MAU2: variants seen among roughly 807,000 people sequenced by gnomAD.
The protein encoded by MAU2 is MAU2 chromatid cohesion factor homolog.
Under a neutral mutation model 89.1 loss-of-function variants are expected in MAU2, and 9 were observed. The observed-to-expected ratio is 0.10, with a 90% confidence interval of 0.06 to 0.18. The LOEUF (loss-of-function observed/expected upper bound fraction) is 0.18, where lower values mean the gene tolerates loss of function less well. MAU2 is among the 10% of genes least tolerant of loss of function. The pLI is 1.00. For synonymous variants in MAU2, 357 were observed against 343.4 expected (o/e 1.04, Z -0.44); for missense variants, 425 against 803.5 (o/e 0.53, Z 5.69).
rs1323215730 is a variant in MAU2, at chr19:19,338,896, G to T, written c.508G>T (p.Val170Leu). The change falls in exon 5 of 19, where the codon GTA becomes TTA. Residue 170 changes from valine to leucine, a missense_variant. Coordinates refer to ENST00000262815, the MANE Select transcript of MAU2 (RefSeq NM_015329.4). Reference protein sequence around the residue: ...DLVSACDLLGVGAEYARVVGS... With the variant: ...DLVSACDLLGLGAEYARVVGS... ...GGTGTCGGCCTGTGACCTCCTGGGTGTAGGGGCCGAGTACGCCCGGGTGGT... is the reference window on the plus strand; with the variant it reads ...GGTGTCGGCCTGTGACCTCCTGGGTTTAGGGGCCGAGTACGCCCGGGTGGT... 6.2e-7 allele frequency: 1 copy of T among 1,613,856 alleles called. No homozygotes were observed.
chr19:19,340,810 C>A (rs1463014817), intron 5 of MAU2, 36 bp from the exon 6 acceptor site: 1 of 1,611,198 alleles, frequency 6.2e-7, no homozygotes, highest in Admixed American at 1.7e-5. Flanking sequence ...GGCTCCTGGG[C>A]CTGCTAGGAC....
At position 19,342,624 on chromosome 19, in the gene MAU2, C is replaced by T. The variant is rs761252542; in HGVS notation, c.825C>T (p.Asn275=). ...TLHDDEILPS[N]PADLFHWLPK... is the part of the protein sequence containing the mutation. ...ACGATGATGAGATCCTGCCCAGCAACCCCGCTGACCTCTTCCACTGGCTGC... is the reference window on the plus strand; with the variant it reads ...ACGATGATGAGATCCTGCCCAGCAATCCCGCTGACCTCTTCCACTGGCTGC... The change falls in exon 8 of 19, where the codon AAC becomes AAT. Residue 275 remains asparagine, a synonymous_variant. Coordinates refer to ENST00000262815, the MANE Select transcript of MAU2 (RefSeq NM_015329.4). 4.3e-6 allele frequency: 7 copies of T among 1,613,348 alleles called. No individual in the cohort carries two copies. In the Admixed American group the frequency reaches 1.0e-4, roughly 23 times the overall value.
chr19:19,320,997 G>A lies in MAU2; in HGVS notation c.138G>A (p.Leu46=), dbSNP rs1340231119. 3.7e-6 allele frequency: 6 copies of A among 1,610,524 alleles called. No homozygotes were observed. The highest frequency in any genetic ancestry group is 1.3e-5 in the African/African-American group (1 of 74,784). The change falls in exon 1 of 19, where the codon CTG becomes CTA. Residue 46 remains leucine, a synonymous_variant. Transcript: ENST00000262815. Reference sequence around the variant, plus strand: ...CTTCCAGCCCGCCCAAAATCCGCCTGTGCGTGCACTGCCTGCAGGCCGTGT... The same window carrying A: ...CTTCCAGCCCGCCCAAAATCCGCCTATGCGTGCACTGCCTGCAGGCCGTGT... ...FRTSSPPKIR[L]CVHCLQAVFP... is the part of the protein sequence containing the mutation.
chr19:19,344,956 G>T lies in MAU2; in HGVS notation c.1155+30G>T, dbSNP rs1323898753. On this transcript the variant is annotated intron_variant, in intron 11 of 18. Transcript: ENST00000262815. ...GTAACCCTGTGACAACACCCCGGGA[G>T]AATCCAGAATGTTCTCAGTAAGTAA... The T allele has an allele frequency of 1.9e-6, 3 of 1,600,994 alleles. No individual in the cohort carries two copies. In the African/African-American group the frequency reaches 4.0e-5, roughly 21 times the overall value.
intron 5 of MAU2, among the ~76,000 whole-genome samples, chr19:19,339,398 G>C (rs558077910): frequency 6.6e-6 from 1 of 151,684 alleles, no homozygotes; most frequent in Admixed American, 6.6e-5. Flanking sequence ...AGTGAGCCAA[G>C]ATCATGCCAC....
rs540519817 is a variant in MAU2 at position 19,340,984 on chromosome 19, C to T, written c.579+111C>T. On this transcript the variant is annotated intron_variant, in intron 6 of 18. Coordinates refer to ENST00000262815, the MANE Select transcript of MAU2 (RefSeq NM_015329.4). ...ACTCTCCATGGCATGGCCCCTTAGGCGCCCAGACCCTTAGGCACAGTGAGC... is the reference window on the plus strand; with the variant it reads ...ACTCTCCATGGCATGGCCCCTTAGGTGCCCAGACCCTTAGGCACAGTGAGC... 9.9e-4 allele frequency: 1,399 copies of T among 1,418,920 alleles called. 3 individuals carry two copies. Among genetic ancestry groups the T allele is most frequent in the Middle Eastern group, 2.5e-3 (10 of 4,050 alleles). The allele number at this position is 1,418,920 out of a possible 1,614,324, so 87.9% of individuals were successfully genotyped here. A position where few individuals can be genotyped will look rare whatever the true frequency, so the allele number is the denominator to read the frequency against.
intron 13 of MAU2, 32 bp downstream of exon 13, chr19:19,347,398 T>C: frequency 6.5e-7 from 1 of 1,531,254 alleles, no homozygotes. Flanking sequence ...CGGTATCCTT[T>C]CTCTCTGTTC....
At chr19:19,347,855 C>A (rs1254464312) in intron 13 of MAU2, 1 of 153,458 alleles carries the variant, frequency 6.5e-6, no homozygotes, top group Non-Finnish European at 1.5e-5. Flanking sequence ...GTTCCCTCTT[C>A]TGTCCCTTTT....
chr19:19,323,517 T>C (rs2061481199), intron 1 of MAU2, among the ~76,000 whole-genome samples: 1 of 152,090 alleles, frequency 6.6e-6, no homozygotes, highest in Non-Finnish European at 1.5e-5. Context: ...TATTTATTTA[T>C]TTATTTTGAG....
chr19:19,354,635 C>T (rs1017983962), intron 17 of MAU2, 190 bp downstream of exon 17: 19 of 609,678 alleles, frequency 3.1e-5, no homozygotes, highest in African/African-American at 2.6e-4. Context: ...TTGTGGCATC[C>T]GCTTGACTCG....
rs734872 is a variant in MAU2 at position 19,356,277 on chromosome 19, C to G, written c.*495C>G. The G allele has an allele frequency of 2.8e-6, 1 of 351,918 alleles. No individual in the cohort carries two copies. Among genetic ancestry groups the G allele is most frequent in the East Asian group, 7.5e-5 (1 of 13,336 alleles). The allele number at this position is 351,918 out of a possible 1,614,324, so 21.8% of individuals were successfully genotyped here. On this transcript the variant is annotated 3_prime_UTR_variant, in exon 19 of 19. Transcript: ENST00000262815. ...AATTTGGAGGGAAGAAGTAATGGCGCTAGTGTGGGACGAAGCACAGATCCC... is the reference window on the plus strand; with the variant it reads ...AATTTGGAGGGAAGAAGTAATGGCGGTAGTGTGGGACGAAGCACAGATCCC...
At chr19:19,344,974 G>A (rs1450050937) in intron 11 of MAU2, 48 bp downstream of exon 11, 2 of 1,539,334 alleles carry the variant, frequency 1.3e-6, no homozygotes, top group Non-Finnish European at 1.8e-6. Flanking sequence ...AATGTTCTCA[G>A]TAAGTAAGTA....
intron 4 of MAU2, among the ~76,000 whole-genome samples, chr19:19,337,937 G>T (rs1421776998): frequency 6.6e-6 from 1 of 152,194 alleles, no homozygotes; most frequent in African/African-American, 2.4e-5. Flanking sequence ...ACCACGTGGG[G>T]CACCTCTCCT....
intron 18 of MAU2, 102 bp from the exon 19 acceptor site, chr19:19,355,606 A>G: frequency 1.2e-5 from 15 of 1,251,780 alleles, no homozygotes; most frequent in Non-Finnish European, 1.7e-5. Context: ...TGGAGAACAG[A>G]GTCCCGGCTG....
chr19:19,347,425 C>A, intron 13 of MAU2, 59 bp downstream of exon 13: 1 of 1,416,340 alleles, frequency 7.1e-7, no homozygotes, highest in Non-Finnish European at 1.0e-6. Flanking sequence ...TTTTGGGGAA[C>A]CAGGGGGTTG....
In MAU2 at chr19:19,338,732, G is replaced by A. The variant is rs557649687; in HGVS notation, c.457-113G>A. On this transcript the variant is annotated intron_variant, in intron 4 of 18. Transcript: ENST00000262815. ...TTAATTTAGCTCAAAACTGACACAG[G>A]CAGTTTCACTGACGTGGGGAGGTTT... 1.0e-5 allele frequency: 7 copies of A among 696,786 alleles called. No homozygotes were observed. The South Asian group carries it at 1.3e-4, about 13-fold the overall frequency. The allele number at this position is 696,786 out of a possible 1,614,324, so 43.2% of individuals were successfully genotyped here. A position where few individuals can be genotyped will look rare whatever the true frequency, so the allele number is the denominator to read the frequency against.
chr19:19,328,033 A>G (rs764236641), intron 1 of MAU2, among the ~76,000 whole-genome samples: 4 of 151,880 alleles, frequency 2.6e-5, no homozygotes, highest in Non-Finnish European at 5.9e-5. Context: ...GGTGGCTCAC[A>G]TCTGTAGTCC....
intron 4 of MAU2, among the ~76,000 whole-genome samples, chr19:19,337,505 G>A (rs2061607046): frequency 6.6e-6 from 1 of 152,246 alleles, no homozygotes; most frequent in Non-Finnish European, 1.5e-5. Flanking sequence ...GGTGAGTGGT[G>A]GGAGTGCGGG....
intron 16 of MAU2, among the ~76,000 whole-genome samples, chr19:19,351,535 C>T (rs1204013581): frequency 6.6e-6 from 1 of 151,736 alleles, no homozygotes; most frequent in African/African-American, 2.4e-5. Flanking sequence ...AAAAAATTAG[C>T]TGGGTGTGTG....
Sources: allele counts gnomAD v4.1 joint callset (sites outside exome capture counted in the v4.1 genomes callset), GRCh38; gene constraint gnomAD v4.1.1; transcripts MANE v1.5; gene names NCBI Gene and HGNC (gene_info 2026-07-23, HGNC 2026-07-21).